SH3BGR: variants seen among roughly 807,000 people sequenced by gnomAD.
SH3BGR encodes the protein SH3 domain binding glutamate rich protein.
SH3BGR carries 29 observed loss-of-function variants against 24.5 expected under a neutral mutation model. The ratio of observed to expected loss-of-function variants is 1.18; its 90% CI spans 0.88 to 1.61. The LOEUF is 1.61. Among genes scored for constraint, SH3BGR ranks in the 40% most tolerant of loss-of-function variants. The pLI is 0.00. For missense variants in SH3BGR, 162 were observed against 205.8 expected, an observed-to-expected ratio of 0.79 and a Z score of 1.30; for synonymous variants, 55 against 65.7, an observed-to-expected ratio of 0.84 and a Z score of 0.79.
intron 4 of SH3BGR, among the ~76,000 whole-genome samples, chr21:39,507,120 A>C: frequency 6.6e-6 from 1 of 152,192 alleles, no homozygotes. Flanking sequence ...GGGTGTCACC[A>C]GTGGCATTTA....
upstream of SH3BGR, among the ~76,000 whole-genome samples, chr21:39,447,752 G>A (rs1330681689): frequency 6.6e-6 from 1 of 152,048 alleles, no homozygotes; most frequent in African/African-American, 2.4e-5. Flanking sequence ...GTTCTTTTCT[G>A]TGTACACAAT....
At chr21:39,497,201 TTATA>T (rs1316271754) in intron 3 of SH3BGR, among the ~76,000 whole-genome samples, 1 of 150,584 alleles carries the variant, frequency 6.6e-6, no homozygotes, top group Non-Finnish European at 1.5e-5. Context: ...GTATCAGTAT[TTATA>T]TATAGGATAG....
intron 6 of SH3BGR, among the ~76,000 whole-genome samples, chr21:39,512,722 G>A (rs1025431184): frequency 6.6e-6 from 1 of 152,092 alleles, no homozygotes; most frequent in Non-Finnish European, 1.5e-5. Context: ...AACCCGGGAG[G>A]CAGAGGTTGC....
intron 3 of SH3BGR, among the ~76,000 whole-genome samples, chr21:39,490,076 T>C (rs1001599294): frequency 2.0e-5 from 3 of 152,252 alleles, no homozygotes; most frequent in African/African-American, 7.2e-5. Flanking sequence ...ACTATCTTGA[T>C]GGGAACCCAT....
Position 39,509,072 on chromosome 21 carries a change from A to G in SH3BGR, c.435+45A>G, listed in dbSNP as rs759677700. The stretch of plus-strand genomic sequence containing the variant: ...ACAGCTGTGCTTAATCTGCTTAATA[A>G]AAACATCTTTTAGGTGGGAGGATTG... On this transcript the variant is annotated intron_variant, in intron 5 of 6. Transcript: ENST00000333634. The G allele has an allele frequency of 5.2e-6, 8 of 1,534,812 alleles. No individual in the cohort carries two copies. The South Asian group carries it at 9.6e-5, about 18-fold the overall frequency.
chr21:39,492,443 G>GGTGTGTGTGTGTGTGTGT (rs1164205385), intron 3 of SH3BGR, among the ~76,000 whole-genome samples: 40 of 136,634 alleles, frequency 2.9e-4, no homozygotes, highest in African/African-American at 1.1e-3. Context: ...AGTTTCCCTT[G>GGTGTGTGTGTGTGTGTGT]GTGTGTGTGT....
intron 3 of SH3BGR, among the ~76,000 whole-genome samples, chr21:39,489,784 C>T (rs73370019): frequency 0.026 from 4,006 of 152,310 alleles, 188 homozygotes; most frequent in African/African-American, 0.092. Flanking sequence ...GCAGAAGCTT[C>T]AGTCAGGGAG....
intron 2 of SH3BGR, among the ~76,000 whole-genome samples, chr21:39,473,716 C>T (rs2077979520): frequency 7.9e-5 from 12 of 151,840 alleles, no homozygotes; most frequent in Admixed American, 7.9e-4. Flanking sequence ...GAAACCCCGT[C>T]TCTACTAAAA....
At chr21:39,498,683 G>A (rs2078438519) in intron 3 of SH3BGR, among the ~76,000 whole-genome samples, 1 of 152,152 alleles carries the variant, frequency 6.6e-6, no homozygotes, top group South Asian at 2.1e-4. Flanking sequence ...CACCACAGAG[G>A]TAAACACTGG....
chr21:39,499,801 C>T, intron 3 of SH3BGR, 22 bp from the exon 4 acceptor site: 11 of 1,564,848 alleles, frequency 7.0e-6, no homozygotes, highest in Non-Finnish European at 9.6e-6. Flanking sequence ...GAGCTCATAT[C>T]CTGGGTTTCC....
In SH3BGR at chr21:39,491,972, T is replaced by G. The variant is rs192369289; in HGVS notation, c.313-7851T>G. On this transcript the variant is annotated intron_variant, in intron 3 of 6. Transcript: ENST00000333634. ...TATGCTTTTTTGCTTTCTTTTGGGC[T>G]TTATGAATGTGTTTTAGACTTCCTT... The G allele has an allele frequency of 7.9e-5, 12 of 152,700 alleles. 1 individual carries two copies. The highest frequency in any genetic ancestry group is 2.9e-4 in the African/African-American group (12 of 41,592). The allele number at this position is 152,700 out of a possible 1,614,324, so 9.5% of individuals were successfully genotyped here.
intron 3 of SH3BGR, among the ~76,000 whole-genome samples, chr21:39,493,860 A>AT (rs1196008126): frequency 2.6e-5 from 4 of 151,806 alleles, no homozygotes; most frequent in Admixed American, 6.6e-5. Context: ...TAAGTATTTT[A>AT]TTTTTTTGCA....
At chr21:39,479,440 GGTGGTGATGGTA>G (rs1018585305) in intron 3 of SH3BGR, among the ~76,000 whole-genome samples, 29 of 151,726 alleles carry the variant, frequency 1.9e-4, no homozygotes, top group Admixed American at 2.0e-4. Flanking sequence ...GGGTGATGGT[GGTGGTGATGGTA>G]GTGGTGGTGA....
At chr21:39,493,037 A>T (rs2078330543) in intron 3 of SH3BGR, among the ~76,000 whole-genome samples, 3 of 152,066 alleles carry the variant, frequency 2.0e-5, no homozygotes, top group Admixed American at 2.0e-4. Context: ...AGGTACATAG[A>T]TTGTTAATAT....
intron 4 of SH3BGR, among the ~76,000 whole-genome samples, chr21:39,503,958 T>G (rs1010555672): frequency 2.0e-5 from 3 of 152,086 alleles, no homozygotes; most frequent in Non-Finnish European, 4.4e-5. Flanking sequence ...AACCGGCGCC[T>G]CAGGAGTAAA....
chr21:39,496,269 G>A (rs1221402503), intron 3 of SH3BGR, among the ~76,000 whole-genome samples: 1 of 152,078 alleles, frequency 6.6e-6, no homozygotes, highest in Non-Finnish European at 1.5e-5. Context: ...GGGAGGCCGA[G>A]GCGGGTGGAT....
intron 3 of SH3BGR, among the ~76,000 whole-genome samples, chr21:39,498,420 C>T (rs190299111): frequency 2.8e-4 from 42 of 152,186 alleles, no homozygotes; most frequent in Middle Eastern, 6.8e-3. Flanking sequence ...CTAGTCCTTC[C>T]CCTAACTCAC....
exon 1 of SH3BGR, chr21:39,446,036 C>T (rs887889573): frequency 1.3e-5 from 2 of 152,182 alleles, no homozygotes; most frequent in Non-Finnish European, 2.9e-5. Flanking sequence ...GAGCCTGTCA[C>T]GCGCTCTGGC....
chr21:39,462,594 G>A (rs763683749), intron 2 of SH3BGR, 34 bp downstream of exon 2: 1 of 1,431,786 alleles, frequency 7.0e-7, no homozygotes, highest in Admixed American at 2.8e-5. Flanking sequence ...ATCCTGCTGT[G>A]TGTGTGTTTA....
Sources: gnomAD v4.1 joint callset for allele counts (sites outside exome capture counted in the v4.1 genomes callset) on GRCh38, gnomAD v4.1.1 for gene constraint, MANE v1.5 for transcripts, NCBI Gene and HGNC (gene_info 2026-07-23, HGNC 2026-07-21) for gene names.